Variants in ZC3H6 observed in about 807,000 individuals in gnomAD.
ZC3H6 encodes zinc finger CCCH-type containing 6.
A neutral mutation model predicts 107.7 loss-of-function variants in ZC3H6; 40 were observed. That is an observed-to-expected ratio of 0.37 (90% confidence interval 0.29 to 0.48). The LOEUF is 0.48. Ranked by LOEUF, ZC3H6 falls within the 20% of genes least tolerant of loss-of-function variation. The pLI is 0.98. For missense variants in ZC3H6, 1,267 were observed against 1,410.4 expected (o/e 0.90, Z 1.63); for synonymous variants, 493 against 487.9 (o/e 1.01, Z -0.14).
At chr2:112,308,537 TCTC>T (rs1163083341) in intron 3 of ZC3H6, among the ~76,000 whole-genome samples, 21 of 150,280 alleles carry the variant, frequency 1.4e-4, no homozygotes, top group African/African-American at 5.1e-4. Flanking sequence ...TTCAAGCAGT[TCTC>T]CTGCCTCAGA....
Position 112,331,744 on chromosome 2 carries a change from C to G in ZC3H6, c.2826C>G (p.Asn942Lys). ...LAAKAKINTT[N>K]REGYLEQFGD... The stretch of plus-strand genomic sequence containing the variant: ...CCAAAGCCAAAATTAACACAACAAA[C>G]AGAGAAGGCTACCTAGAACAATTTG... The change falls in exon 12 of 12, where the codon AAC becomes AAG. Residue 942 changes from asparagine to lysine, a missense_variant. This residue lies in a region of ZC3H6 where 925 missense variants were observed against 1,025.7 expected (regional missense o/e 0.90). Transcript: ENST00000409871. 1 of 1,613,766 alleles carries G rather than the reference C, an allele frequency of 6.2e-7. No homozygotes were observed. Among genetic ancestry groups the G allele is most frequent in the Non-Finnish European group, 8.5e-7 (1 of 1,179,824 alleles).
At position 112,338,199 on chromosome 2, in the gene ZC3H6, C is replaced by G. The variant is rs1214627925; in HGVS notation, c.*5711C>G. 6.6e-6 allele frequency: 1 copy of G among 152,246 alleles called. No homozygotes were observed. The highest frequency in any genetic ancestry group is 1.5e-5 in the Non-Finnish European group (1 of 68,084). The allele number at this position is 152,246 out of a possible 1,614,324, so 9.4% of individuals were successfully genotyped here. ...TCCTTACCTCAAGTGATCTGCCCGC[C>G]TCAGCCTCCCAAAGTGCTGGGATTA... On this transcript the variant is annotated 3_prime_UTR_variant, in exon 12 of 12. Coordinates refer to ENST00000409871, the MANE Select transcript of ZC3H6 (RefSeq NM_198581.3).
At chr2:112,296,725 C>A (rs1414539991) in intron 1 of ZC3H6, among the ~76,000 whole-genome samples, 2 of 152,096 alleles carry the variant, frequency 1.3e-5, no homozygotes, top group African/African-American at 2.4e-5. Flanking sequence ...TTCTATGATG[C>A]AAGAGTTATG....
chr2:112,289,322 CTTTTTTT>C (rs1228912169), intron 1 of ZC3H6, among the ~76,000 whole-genome samples: 1,228 of 65,376 alleles, frequency 0.019, 12 homozygotes, highest in African/African-American at 0.062. Context: ...TTTTCTTTTT[CTTTTTTT>C]TTTTTTTTTT....
In ZC3H6 at chr2:112,337,878, T is replaced by G. The variant is rs1677161335; in HGVS notation, c.*5390T>G. 1 of 152,230 alleles carries G rather than the reference T, an allele frequency of 6.6e-6. No individual in the cohort carries two copies. The highest frequency in any genetic ancestry group is 6.5e-5 in the Admixed American group (1 of 15,272). The allele number at this position is 152,230 out of a possible 1,614,324, so 9.4% of individuals were successfully genotyped here. ...CTCAAGTGATCCACCAGTCTTGGCCTCTCAAAGTGCTGGGATCACAGGCAT... is the reference window on the plus strand; with the variant it reads ...CTCAAGTGATCCACCAGTCTTGGCCGCTCAAAGTGCTGGGATCACAGGCAT... On this transcript the variant is annotated 3_prime_UTR_variant, in exon 12 of 12. Transcript: ENST00000409871.
At chr2:112,281,618 A>G (rs956972595) in intron 1 of ZC3H6, among the ~76,000 whole-genome samples, 1 of 152,222 alleles carries the variant, frequency 6.6e-6, no homozygotes, top group African/African-American at 2.4e-5. Flanking sequence ...GCTATTGTAA[A>G]CGTCTAGAAA....
rs764090705 is a variant in ZC3H6 at position 112,325,101 on chromosome 2, G to C, written c.1990G>C (p.Val664Leu). Residue 664 changes from valine (V) to leucine (L), a missense_variant, in exon 11 of 12, where the codon GTG becomes CTG. By Grantham distance (32) the Val-to-Leu change is conservative. Around this residue, in one of 3 missense-constraint regions of ZC3H6, gnomAD observed 925 missense variants for 1,025.7 expected, o/e 0.90. Coordinates refer to ENST00000409871, the MANE Select transcript of ZC3H6 (RefSeq NM_198581.3). ...PLPVPGLLPA[V>L]QRALFVRLTQ... ...GCCTGTACCAGGCCTCCTCCCTGCAGTGCAAAGAGCTCTTTTTGTAAGACT... is the reference window on the plus strand; with the variant it reads ...GCCTGTACCAGGCCTCCTCCCTGCACTGCAAAGAGCTCTTTTTGTAAGACT... 1 of 1,614,032 alleles carries C rather than the reference G, an allele frequency of 6.2e-7. No individual in the cohort carries two copies. Among genetic ancestry groups the C allele is most frequent in the Admixed American group, 1.7e-5 (1 of 60,030 alleles).
At position 112,321,808 on chromosome 2, in the gene ZC3H6, C is replaced by A; in HGVS notation, c.1029C>A (p.Asp343Glu). 6.5e-7 allele frequency: 1 copy of A among 1,549,044 alleles called. No individual in the cohort carries two copies. Among genetic ancestry groups the A allele is most frequent in the Non-Finnish European group, 8.7e-7 (1 of 1,146,404 alleles). ...GTGGAGCAAAATGTTACCAGGGAGA[C>A]AACTGTAAATTTTCCCATGATGATC... ...YHSGAKCYQG[D>E]NCKFSHDDLT... The change falls in exon 8 of 12, where the codon GAC (aspartate) becomes GAA (glutamate). Residue 343 changes from aspartate (D) to glutamate (E), a missense_variant. By Grantham distance (45) the Asp-to-Glu change is conservative (BLOSUM62 2). Coordinates refer to ENST00000409871, the MANE Select transcript of ZC3H6 (RefSeq NM_198581.3).
chr2:112,329,550 G>A (rs999302399), intron 11 of ZC3H6, among the ~76,000 whole-genome samples: 4 of 152,120 alleles, frequency 2.6e-5, no homozygotes, highest in African/African-American at 9.7e-5. Context: ...TTGCAATTGT[G>A]ACATACCATA....
At chr2:112,319,741 A>G (rs764917468) in intron 7 of ZC3H6, among the ~76,000 whole-genome samples, 5 of 152,198 alleles carry the variant, frequency 3.3e-5, no homozygotes, top group Admixed American at 6.5e-5. Flanking sequence ...TATGAGGTCA[A>G]CATGAGAGGG....
intron 1 of ZC3H6, among the ~76,000 whole-genome samples, chr2:112,298,630 A>G (rs989840680): frequency 6.6e-6 from 1 of 152,272 alleles, no homozygotes; most frequent in African/African-American, 2.4e-5. Context: ...CTTATTGCCG[A>G]GTTATCGGCA....
chr2:112,311,832 T>C lies in ZC3H6; in HGVS notation c.642T>C (p.Asn214=), dbSNP rs1676599139. ...QGIEQRVKSF[N]VGRGRGLPKK... is the part of the protein sequence containing the mutation. ...TTGAACAGAGAGTTAAAAGTTTTAA[T>C]GTTGGTCGTGGACGTGGCTTGCCGA... Residue 214 remains asparagine (N), a synonymous_variant, in exon 5 of 12, where the codon AAT becomes AAC. Transcript: ENST00000409871. 9 of 1,612,922 alleles carry C rather than the reference T, an allele frequency of 5.6e-6. No individual in the cohort carries two copies. Among genetic ancestry groups the C allele is most frequent in the East Asian group, 2.2e-5 (1 of 44,842 alleles).
intron 7 of ZC3H6, among the ~76,000 whole-genome samples, chr2:112,318,431 T>C (rs1293108296): frequency 6.6e-6 from 1 of 152,196 alleles, no homozygotes; most frequent in Non-Finnish European, 1.5e-5. Flanking sequence ...ATCCTTAATA[T>C]ATGAGTTTCT....
At chr2:112,305,034 T>A (rs1676450249) in intron 3 of ZC3H6, among the ~76,000 whole-genome samples, 1 of 152,158 alleles carries the variant, frequency 6.6e-6, no homozygotes, top group African/African-American at 2.4e-5. Flanking sequence ...GTTTATAAGG[T>A]CAATATGTCC....
chr2:112,299,977 A>G lies in ZC3H6; in HGVS notation c.161A>G (p.Lys54Arg). The G allele has an allele frequency of 6.7e-7, 1 of 1,499,450 alleles. No individual in the cohort carries two copies. 92.9% of individuals were successfully genotyped at this position (1,499,450 alleles called of 1,614,324 possible). ...KAYRKSRKKH[K>R]KEREKKKSKR... ...TACAGAAAATCAAGAAAAAAACATA[A>G]GAAAGAGAGAGAGAAGAAAAAATCC... The change falls in exon 2 of 12, where the codon AAG becomes AGG. Residue 54 changes from lysine (K) to arginine (R), a missense_variant. Physicochemically the swap from Lys to Arg is conservative, Grantham distance 26. This residue lies in a region of ZC3H6 where 337 missense variants were observed against 361.2 expected (regional missense o/e 0.93). Coordinates refer to ENST00000409871, the MANE Select transcript of ZC3H6 (RefSeq NM_198581.3).
chr2:112,300,842 C>CT (rs1676360386), intron 2 of ZC3H6, among the ~76,000 whole-genome samples: 1 of 152,108 alleles, frequency 6.6e-6, no homozygotes, highest in Non-Finnish European at 1.5e-5. Context: ...CCTATGCTGA[C>CT]TGAGAAATCA....
At chr2:112,284,849 A>G (rs1686579057) in intron 1 of ZC3H6, among the ~76,000 whole-genome samples, 1 of 152,286 alleles carries the variant, frequency 6.6e-6, no homozygotes, top group African/African-American at 2.4e-5. Flanking sequence ...TTTATCTCCA[A>G]AAAAATGTGA....
At position 112,331,757 on chromosome 2, in the gene ZC3H6, C is replaced by T; in HGVS notation, c.2839C>T (p.Leu947=). The T allele has an allele frequency of 6.2e-7, 1 of 1,613,670 alleles. No individual in the cohort carries two copies. The highest frequency in any genetic ancestry group is 8.5e-7 in the Non-Finnish European group (1 of 1,179,812). ...KINTTNREGY[L]EQFGDSHGSG... is the part of the protein sequence containing the mutation. Reference sequence around the variant, plus strand: ...TAACACAACAAACAGAGAAGGCTACCTAGAACAATTTGGAGACTCACACGG... The same window carrying T: ...TAACACAACAAACAGAGAAGGCTACTTAGAACAATTTGGAGACTCACACGG... Residue 947 remains leucine, a synonymous_variant, in exon 12 of 12, where the codon CTA becomes TTA. Coordinates refer to ENST00000409871, the MANE Select transcript of ZC3H6 (RefSeq NM_198581.3).
rs1406975394 is a variant in ZC3H6, at chr2:112,338,558, G to T, written c.*6070G>T. 1.3e-5 allele frequency: 2 copies of T among 151,964 alleles called. No individual in the cohort carries two copies. The highest frequency in any genetic ancestry group is 4.8e-5 in the African/African-American group (2 of 41,378). The allele number at this position is 151,964 out of a possible 1,614,324, so 9.4% of individuals were successfully genotyped here. On this transcript the variant is annotated 3_prime_UTR_variant, in exon 12 of 12. Transcript: ENST00000409871. ...GACCTTCTTGTTTTTTAAGCTTAGA[G>T]TTTATAAGAAAAAAGTGAATATATA...
Sources: allele counts gnomAD v4.1 joint callset (sites outside exome capture counted in the v4.1 genomes callset), GRCh38; gene constraint gnomAD v4.1.1; regional missense constraint gnomAD v4.1.1; transcripts MANE v1.5; gene names NCBI Gene and HGNC (gene_info 2026-07-23, HGNC 2026-07-21).